Variants in C17orf113 observed in about 807,000 individuals in gnomAD.
The protein encoded by C17orf113 is uncharacterized protein C17orf113.
In C17orf113, 5 loss-of-function variants were observed where a neutral mutation model predicts 11.6. The ratio of observed to expected loss-of-function variants is 0.43; its 90% CI spans 0.23 to 0.91. C17orf113 has a LOEUF of 0.91. Ranked by LOEUF, C17orf113 falls within the 40% of genes least tolerant of loss-of-function variation. The pLI is 0.26. For synonymous variants in C17orf113, 327 were observed against 390.6 expected, an observed-to-expected ratio of 0.84 and a Z score of 1.92; for missense variants, 714 against 841.3, an observed-to-expected ratio of 0.85 and a Z score of 1.87.
chr17:42,040,672 C>T lies in C17orf113; in HGVS notation c.1061G>A (p.Trp354Ter), dbSNP rs1421290275. The change falls in exon 3 of 3, where the codon TGG (tryptophan) becomes TAG (stop). Residue 354 changes from tryptophan to a stop codon, truncating the protein, a stop_gained. Coordinates refer to ENST00000587304, the MANE Select transcript of C17orf113 (RefSeq NM_001358661.2). LOFTEE classifies it low-confidence loss of function (END_TRUNC). ...TTCCACTACAGGCAGCAGGGAGGCC[C>T]AGGGCACTGGCCGAGGCCCTGCCAA... ...IDLAGPRPVP[W>*]ASLLPVVEAV... The T allele has an allele frequency of 4.9e-6, 6 of 1,232,300 alleles. No individual in the cohort carries two copies. The highest frequency in any genetic ancestry group is 6.1e-6 in the Non-Finnish European group (6 of 988,072). The allele number at this position is 1,232,300 out of a possible 1,614,324, so 76.3% of individuals were successfully genotyped here.
At chr17:42,044,453 C>A (rs1036457443) in intron 1 of C17orf113, among the ~76,000 whole-genome samples, 1 of 151,222 alleles carries the variant, frequency 6.6e-6, no homozygotes, top group African/African-American at 2.4e-5. Flanking sequence ...CCCATCTCTA[C>A]TAAAGGTAAC....
In C17orf113 at chr17:42,039,903, G is replaced by C; in HGVS notation, c.1830C>G (p.Gly610=). The change falls in exon 3 of 3, where the codon GGC becomes GGG. Residue 610 remains glycine, a synonymous_variant. Transcript: ENST00000587304. ...LAALALALPA[G]AGLLDKVGRS... The stretch of plus-strand genomic sequence containing the variant: ...GGCCGACCTTGTCCAGCAGGCCAGC[G>C]CCCGCGGGCAGCGCCAAAGCCAAGG... 1 of 1,231,354 alleles carries C rather than the reference G, an allele frequency of 8.1e-7. No homozygotes were observed. Among genetic ancestry groups the C allele is most frequent in the Non-Finnish European group, 1.0e-6 (1 of 987,648 alleles). 76.3% of individuals were successfully genotyped at this position (1,231,354 alleles called of 1,614,324 possible).
chr17:42,044,918 CT>C (rs71157603), intron 1 of C17orf113, among the ~76,000 whole-genome samples: 96 of 132,578 alleles, frequency 7.2e-4, no homozygotes, highest in African/African-American at 2.0e-3. Context: ...CCAACTCTAC[CT>C]TTTTTTTTTT....
At chr17:42,045,614 G>A (rs2053142833) in intron 1 of C17orf113, among the ~76,000 whole-genome samples, 1 of 152,158 alleles carries the variant, frequency 6.6e-6, no homozygotes, top group Non-Finnish European at 1.5e-5. Context: ...GACCCCAAAG[G>A]CTGTACTGAG....
At position 42,040,896 on chromosome 17, in the gene C17orf113, C is replaced by T. The variant is rs1393519908; in HGVS notation, c.837G>A (p.Gly279=). 9.7e-6 allele frequency: 12 copies of T among 1,232,206 alleles called. No homozygotes were observed. Among genetic ancestry groups the T allele is most frequent in the Non-Finnish European group, 1.2e-5 (12 of 988,002 alleles). The allele number at this position is 1,232,206 out of a possible 1,614,324, so 76.3% of individuals were successfully genotyped here. A position where few individuals can be genotyped will look rare whatever the true frequency, so the allele number is the denominator to read the frequency against. The part of the protein sequence containing the change: ...LSSSLPSERL[G]SVGPQLRATC... ...TGGCCCGGAGCTGTGGGCCCACACT[C>T]CCCAGGCGCTCACTGGGGAGGCTTG... Residue 279 remains glycine (G), a synonymous_variant, in exon 3 of 3, where the codon GGG becomes GGA. Coordinates refer to ENST00000587304, the MANE Select transcript of C17orf113 (RefSeq NM_001358661.2).
chr17:42,045,635 G>A (rs1555656570), intron 1 of C17orf113, among the ~76,000 whole-genome samples: 2 of 152,202 alleles, frequency 1.3e-5, no homozygotes, highest in African/African-American at 2.4e-5. Flanking sequence ...ACCCTGGTCT[G>A]TACTGTCTCT....
Position 42,040,985 on chromosome 17 carries a change from C to T in C17orf113, c.748G>A (p.Gly250Ser), listed in dbSNP as rs2053005172. ...GCCTGCAGGATGTCCAAGAGCTGGC[C>T]AGCAGTGGCCTCGCCCTCCTGTAGC... ...VELQEGEATA[G>S]QLLDILQAFG... Residue 250 changes from glycine to serine, a missense_variant, in exon 3 of 3, where the codon GGC becomes AGC. Coordinates refer to ENST00000587304, the MANE Select transcript of C17orf113 (RefSeq NM_001358661.2). 5.7e-6 allele frequency: 7 copies of T among 1,232,282 alleles called. No homozygotes were observed. Among genetic ancestry groups the T allele is most frequent in the Non-Finnish European group, 7.1e-6 (7 of 988,054 alleles). The allele number at this position is 1,232,282 out of a possible 1,614,324, so 76.3% of individuals were successfully genotyped here.
At position 42,039,581 on chromosome 17, in the gene C17orf113, TG is replaced by T; in HGVS notation, c.*123del. ...GGGAAGCTCCAGAAGGGCGGGTGGA[TG>T]GCCTCAGGCCCCTGGGAGGCTGCAG... On this transcript the variant is annotated 3_prime_UTR_variant, in exon 3 of 3. Transcript: ENST00000587304. 1.1e-6 allele frequency: 1 copy of T among 918,186 alleles called. No homozygotes were observed. The highest frequency in any genetic ancestry group is 1.4e-6 in the Non-Finnish European group (1 of 702,382). The allele number at this position is 918,186 out of a possible 1,614,324, so 56.9% of individuals were successfully genotyped here.
intron 1 of C17orf113, among the ~76,000 whole-genome samples, chr17:42,048,469 C>T (rs138462749): frequency 1.3e-5 from 2 of 152,002 alleles, no homozygotes; most frequent in African/African-American, 2.4e-5. Context: ...CACTTGAGCC[C>T]GAGTTTGAGA....
At chr17:42,048,857 G>A (rs1422267025) in intron 1 of C17orf113, among the ~76,000 whole-genome samples, 1 of 151,804 alleles carries the variant, frequency 6.6e-6, no homozygotes, top group Admixed American at 6.6e-5. Flanking sequence ...TTAACCAGAG[G>A]GGGGCTTTTA....
chr17:42,043,262 C>T lies in C17orf113; in HGVS notation c.115G>A (p.Glu39Lys), dbSNP rs1343596359. The change falls in exon 2 of 3, where the codon GAG becomes AAG. Residue 39 changes from glutamate to lysine, a missense_variant. Glu to Lys is a moderately conservative substitution (Grantham distance 56). This residue lies in a region of C17orf113 where 516 missense variants were observed against 626.6 expected (regional missense o/e 0.82). Coordinates refer to ENST00000587304, the MANE Select transcript of C17orf113 (RefSeq NM_001358661.2). ...TCGAGGCAGAACATCAGCTTCCGCT[C>T]ATAGTCAAAGTCCAGCCAGGTAAAC... ...EEFTWLDFDY[E>K]RKLMFCLECR... 5.7e-6 allele frequency: 7 copies of T among 1,232,166 alleles called. No homozygotes were observed. Among genetic ancestry groups the T allele is most frequent in the Admixed American group, 4.2e-5 (1 of 23,708 alleles). The allele number at this position is 1,232,166 out of a possible 1,614,324, so 76.3% of individuals were successfully genotyped here.
chr17:42,040,620 C>T lies in C17orf113; in HGVS notation c.1113G>A (p.Leu371=). The change falls in exon 3 of 3, where the codon CTG becomes CTA. Residue 371 remains leucine (L), a synonymous_variant. Coordinates refer to ENST00000587304, the MANE Select transcript of C17orf113 (RefSeq NM_001358661.2). ...GGGCTGCAGCCTCCAGGGTGGGCAC[C>T]AGGCCAGGCCAGGCCTCGGCCACTG... is the stretch of plus-strand genomic sequence containing the variant. The part of the protein sequence containing the change: ...VEAVAEAWPG[L]VPTLEAAALA... 1 of 1,232,228 alleles carries T rather than the reference C, an allele frequency of 8.1e-7. No individual in the cohort carries two copies. Among genetic ancestry groups the T allele is most frequent in the Non-Finnish European group, 1.0e-6 (1 of 988,004 alleles). The allele number at this position is 1,232,228 out of a possible 1,614,324, so 76.3% of individuals were successfully genotyped here.
At position 42,043,132 on chromosome 17, in the gene C17orf113, G is replaced by C; in HGVS notation, c.245C>G (p.Ser82Ter). The C allele has an allele frequency of 8.1e-7, 1 of 1,232,228 alleles. No individual in the cohort carries two copies. Among genetic ancestry groups the C allele is most frequent in the Non-Finnish European group, 1.0e-6 (1 of 988,012 alleles). The allele number at this position is 1,232,228 out of a possible 1,614,324, so 76.3% of individuals were successfully genotyped here. ...QRHALLRHVT[S>*]GAHRQALAVN... The stretch of plus-strand genomic sequence containing the variant: ...AGCCAGAGCCTGGCGGTGGGCTCCT[G>C]AGGTCACGTGGCGCAGCAGGGCGTG... Residue 82 changes from serine to a stop codon, truncating the protein, a stop_gained, in exon 2 of 3, where the codon TCA becomes TGA. Transcript: ENST00000587304. LOFTEE classifies it high-confidence loss of function.
At chr17:42,048,587 A>T (rs369626391) in intron 1 of C17orf113, among the ~76,000 whole-genome samples, 65 of 152,014 alleles carry the variant, frequency 4.3e-4, no homozygotes, top group African/African-American at 1.4e-3. Context: ...TCTCCCAATC[A>T]TCCCTGTCTC....
chr17:42,041,456 T>C (rs2053019493), intron 2 of C17orf113, among the ~76,000 whole-genome samples: 2 of 152,216 alleles, frequency 1.3e-5, no homozygotes, highest in African/African-American at 4.8e-5. Flanking sequence ...GGTCTAGTTT[T>C]CTCAGCTCTT....
chr17:42,044,918 C>CTTT (rs71157603), intron 1 of C17orf113, among the ~76,000 whole-genome samples: 9 of 132,586 alleles, frequency 6.8e-5, no homozygotes, highest in South Asian at 4.7e-4. Flanking sequence ...CCAACTCTAC[C>CTTT]TTTTTTTTTT....
intron 1 of C17orf113, among the ~76,000 whole-genome samples, chr17:42,045,412 T>A (rs1432758320): frequency 6.6e-6 from 1 of 152,246 alleles, no homozygotes; most frequent in African/African-American, 2.4e-5. Flanking sequence ...TAAATGTAAC[T>A]ACCATTTCTG....
chr17:42,045,079 G>A (rs376109086), intron 1 of C17orf113, among the ~76,000 whole-genome samples: 2 of 152,234 alleles, frequency 1.3e-5, no homozygotes, highest in African/African-American at 4.8e-5. Context: ...CATCACGCCC[G>A]GCTAATTTTT....
chr17:42,043,315 C>A lies in C17orf113; in HGVS notation c.62G>T (p.Arg21Leu). Residue 21 changes from arginine (R) to leucine (L), a missense_variant, in exon 2 of 3, where the codon CGT (arginine) becomes CTT (leucine). Around this residue, in one of 3 missense-constraint regions of C17orf113, gnomAD observed 516 missense variants for 626.6 expected, o/e 0.82. Coordinates refer to ENST00000587304, the MANE Select transcript of C17orf113 (RefSeq NM_001358661.2). ...CTCTTTCCAGTGCTCGTTGAAGTAACGCTTACACTTCTTGTTGGAGTTGGA... is the reference window on the plus strand; with the variant it reads ...CTCTTTCCAGTGCTCGTTGAAGTAAAGCTTACACTTCTTGTTGGAGTTGGA... ...EASNSNKKCKRYFNEHWKEEF... is the reference protein window; with the variant it reads ...EASNSNKKCKLYFNEHWKEEF... 6 of 1,232,242 alleles carry A rather than the reference C, an allele frequency of 4.9e-6. No homozygotes were observed. The highest frequency in any genetic ancestry group is 6.1e-6 in the Non-Finnish European group (6 of 988,006). The allele number at this position is 1,232,242 out of a possible 1,614,324, so 76.3% of individuals were successfully genotyped here.
Sources: allele counts gnomAD v4.1 joint callset (sites outside exome capture counted in the v4.1 genomes callset), GRCh38; gene constraint gnomAD v4.1.1; regional missense constraint gnomAD v4.1.1; transcripts MANE v1.5; gene names NCBI Gene and HGNC (gene_info 2026-07-23, HGNC 2026-07-21).